HHAT: variants seen among roughly 807,000 people sequenced by gnomAD.
HHAT encodes the protein protein-cysteine N-palmitoyltransferase HHAT.
A neutral mutation model predicts 70.8 loss-of-function variants in HHAT; 47 were observed. The ratio of observed to expected loss-of-function variants is 0.66; its 90% confidence interval spans 0.53 to 0.85. The LOEUF is 0.85. HHAT is among the 40% of genes least tolerant of loss of function. The pLI, the probability that HHAT is intolerant of heterozygous loss-of-function variation, is 0.00. For synonymous variants in HHAT, 228 were observed against 247.6 expected, an observed-to-expected ratio of 0.92 and a Z score of 0.74; for missense variants, 609 against 604.8, an observed-to-expected ratio of 1.01 and a Z score of -0.07.
chr1:210,629,858 T>G (rs1040621714), intron 11 of HHAT, among the ~76,000 whole-genome samples: 13 of 98,826 alleles, frequency 1.3e-4, no homozygotes, highest in African/African-American at 4.3e-4. Flanking sequence ...TTTTGTTTTT[T>G]TTTTTTGAGA....
chr1:210,658,336 T>C (rs1574055300), intron 11 of HHAT, among the ~76,000 whole-genome samples: 2 of 151,076 alleles, frequency 1.3e-5, no homozygotes, highest in South Asian at 4.1e-4. Context: ...TTGACATCAC[T>C]CTTCTAAAGT....
intron 1 of HHAT, among the ~76,000 whole-genome samples, chr1:210,329,793 G>A (rs1402386889): frequency 6.6e-6 from 1 of 152,192 alleles, no homozygotes; most frequent in Non-Finnish European, 1.5e-5. Context: ...GGTCGCCCAG[G>A]CTGGAGTGCA....
intron 10 of HHAT, among the ~76,000 whole-genome samples, chr1:210,593,540 A>G (rs952339196): frequency 2.0e-5 from 3 of 152,168 alleles, no homozygotes; most frequent in African/African-American, 7.2e-5. Context: ...AAGATAGTGG[A>G]TATCATTTCA....
At chr1:210,440,907 A>G (rs2093491563) in intron 7 of HHAT, among the ~76,000 whole-genome samples, 1 of 152,204 alleles carries the variant, frequency 6.6e-6, no homozygotes, top group African/African-American at 2.4e-5. Flanking sequence ...GGAGAAACCA[A>G]CTTTGGATGA....
chr1:210,328,932 C>G lies in HHAT; in HGVS notation c.-216C>G, dbSNP rs567216884. 167 of 1,061,506 alleles carry G rather than the reference C, an allele frequency of 1.6e-4. No homozygotes were observed. In the Middle Eastern group the frequency reaches 7.0e-3, roughly 45 times the overall value. The allele number at this position is 1,061,506 out of a possible 1,614,324, so 65.8% of individuals were successfully genotyped here. Reference sequence around the variant, plus strand: ...CGGCGGCAGGGGCGTGCTCGGAGGACGCGCGCTGCGCTGCTCCTCCAAAGG... The same window carrying G: ...CGGCGGCAGGGGCGTGCTCGGAGGAGGCGCGCTGCGCTGCTCCTCCAAAGG... On this transcript the variant is annotated 5_prime_UTR_variant, in exon 1 of 12. Coordinates refer to ENST00000261458, the MANE Select transcript of HHAT (RefSeq NM_018194.6).
intron 9 of HHAT, 109 bp downstream of exon 9, chr1:210,513,297 T>C: frequency 5.0e-6 from 3 of 600,414 alleles, no homozygotes; most frequent in South Asian, 4.2e-5. Context: ...CACTTATATA[T>C]ATACTTGTCA....
At position 210,501,856 on chromosome 1, in the gene HHAT, G is replaced by A. The variant is rs546861682; in HGVS notation, c.1008-11297G>A. On this transcript the variant is annotated intron_variant, in intron 8 of 11. Coordinates refer to ENST00000261458, the MANE Select transcript of HHAT (RefSeq NM_018194.6). ...TCAAGAACACTGCCTTGCTTCATCC[G>A]AGACCTTCTCCCTGAGCTGCCTACC... Among the ~76,000 whole-genome samples, 12 of 152,122 alleles carry A rather than the reference G, an allele frequency of 7.9e-5. No homozygotes were observed. In the East Asian group the frequency reaches 9.7e-4, roughly 12 times the overall value.
chr1:210,417,523 C>G (rs1040544222), intron 6 of HHAT, among the ~76,000 whole-genome samples: 2 of 152,210 alleles, frequency 1.3e-5, no homozygotes, highest in African/African-American at 4.8e-5. Flanking sequence ...GTGTGAGCCA[C>G]CATGCCCCAC....
intron 9 of HHAT, among the ~76,000 whole-genome samples, chr1:210,571,484 T>G (rs1487838612): frequency 1.3e-5 from 2 of 152,192 alleles, no homozygotes; most frequent in Non-Finnish European, 2.9e-5. Flanking sequence ...TGGACCCAGC[T>G]GCTTCTCTGT....
chr1:210,430,786 T>G (rs11119493), intron 7 of HHAT, among the ~76,000 whole-genome samples: 19,123 of 151,940 alleles, frequency 0.13, 1,437 homozygotes, highest in East Asian at 0.23. Flanking sequence ...GGTTAAATTC[T>G]TCTAATTTTG....
At chr1:210,557,180 G>A (rs1361004283) in intron 9 of HHAT, among the ~76,000 whole-genome samples, 1 of 152,222 alleles carries the variant, frequency 6.6e-6, no homozygotes, top group African/African-American at 2.4e-5. Flanking sequence ...TGAATGAAAT[G>A]CATTAAGGTA....
At chr1:210,515,574 G>A (rs1366639816) in intron 9 of HHAT, among the ~76,000 whole-genome samples, 5 of 150,882 alleles carry the variant, frequency 3.3e-5, no homozygotes, top group Non-Finnish European at 7.4e-5. Flanking sequence ...TGGCTAACAC[G>A]GTGAAACCCT....
chr1:210,336,853 T>C (rs1267549244), intron 1 of HHAT, among the ~76,000 whole-genome samples: 1 of 152,128 alleles, frequency 6.6e-6, no homozygotes, highest in African/African-American at 2.4e-5. Context: ...TGTAATAAAG[T>C]TTACTTAAAA....
chr1:210,349,121 A>G, intron 2 of HHAT, 55 bp downstream of exon 2: 2 of 1,570,752 alleles, frequency 1.3e-6, no homozygotes, highest in Non-Finnish European at 1.7e-6. Context: ...CCTGTCAAAA[A>G]AAGGAGCAGA....
At chr1:210,560,764 G>C (rs2095614024) in intron 9 of HHAT, among the ~76,000 whole-genome samples, 1 of 120,930 alleles carries the variant, frequency 8.3e-6, no homozygotes, top group Admixed American at 1.1e-4. Flanking sequence ...AGTGAGCTAT[G>C]ATCATGCCAC....
intron 3 of HHAT, chr1:210,374,210 C>CA (rs1486867212): frequency 6.6e-6 from 1 of 152,132 alleles, no homozygotes; most frequent in African/African-American, 2.4e-5. Context: ...TTGTTTCTCT[C>CA]CACGGAAATC....
chr1:210,650,283 A>C (rs1318308614), intron 11 of HHAT, among the ~76,000 whole-genome samples: 1 of 152,206 alleles, frequency 6.6e-6, no homozygotes, highest in Non-Finnish European at 1.5e-5. Context: ...GGCTCAGAGA[A>C]GTTGGTTTAC....
chr1:210,532,584 A>G (rs1015196913), intron 9 of HHAT, among the ~76,000 whole-genome samples: 38 of 152,184 alleles, frequency 2.5e-4, no homozygotes, highest in African/African-American at 8.9e-4. Flanking sequence ...GCAAATTCCT[A>G]TAAGCAACTG....
At chr1:210,642,928 A>G (rs1003083408) in intron 11 of HHAT, among the ~76,000 whole-genome samples, 1 of 152,228 alleles carries the variant, frequency 6.6e-6, no homozygotes, top group Non-Finnish European at 1.5e-5. Context: ...CCCCAAGCTC[A>G]TGAAGATATT....
Sources: gnomAD v4.1 joint callset for allele counts (sites outside exome capture counted in the v4.1 genomes callset) on GRCh38, gnomAD v4.1.1 for gene constraint, MANE v1.5 for transcripts, NCBI Gene and HGNC (gene_info 2026-07-23, HGNC 2026-07-21) for gene names.